The following MTG1 variants were observed in gnomAD, a reference collection of about 807,000 sequenced individuals.
MTG1 encodes the protein mitochondrial ribosome associated GTPase 1, also known as mitochondrial ribosome-associated GTPase 1.
Under a neutral mutation model 39.5 loss-of-function variants are expected in MTG1, and 30 were observed. The observed-to-expected ratio is 0.76, with a 90% CI of 0.57 to 1.03. The LOEUF (loss-of-function observed/expected upper bound fraction) is 1.03, where lower values mean the gene tolerates loss of function less well. MTG1 is among the 50% of genes least tolerant of loss of function. The probability of loss-of-function intolerance (pLI) is 0.00; values close to 1 mark genes in which losing one functional copy is unlikely to be tolerated. For missense variants in MTG1, 513 were observed against 447.4 expected, an observed-to-expected ratio of 1.15 and a Z score of -1.32; for synonymous variants, 217 against 179.0, an observed-to-expected ratio of 1.21 and a Z score of -1.69.
At chr10:133,415,026 C>A (rs902667186) in intron 9 of MTG1, among the ~76,000 whole-genome samples, 1 of 152,194 alleles carries the variant, frequency 6.6e-6, no homozygotes, top group Non-Finnish European at 1.5e-5. Context: ...ACCAGTCAGG[C>A]GTGGTGGCGC....
At chr10:133,399,127 A>G (rs1204965542) in intron 4 of MTG1, 43 bp from the exon 5 acceptor site, 1 of 1,612,628 alleles carries the variant, frequency 6.2e-7, no homozygotes, top group East Asian at 2.2e-5. Context: ...CAGTGCACAG[A>G]CGTCCGACCT....
Position 133,398,522 on chromosome 10 carries a change from T to C in MTG1, c.363+7T>C. 6.2e-7 allele frequency: 1 copy of C among 1,612,590 alleles called. No homozygotes were observed. Among genetic ancestry groups the C allele is most frequent in the South Asian group, 1.1e-5 (1 of 90,826 alleles). On this transcript the variant is annotated splice_region_variant and intron_variant, in intron 4 of 10. Transcript: ENST00000317502. ...GGATGAAAATGTCAAGCAGGTAGGC[T>C]TTTCGTCTGTGCTCTCTCTGACGCT...
chr10:133,410,932 C>G (rs948866141), intron 9 of MTG1, among the ~76,000 whole-genome samples: 2 of 152,130 alleles, frequency 1.3e-5, no homozygotes, highest in African/African-American at 4.8e-5. Context: ...TTGGCTCTCT[C>G]TTTCCAGGTT....
chr10:133,419,555 G>A lies in MTG1; in HGVS notation c.828G>A (p.Leu276=). ...ERVLKSVAVK[L]GKTQKVKVLT... is the part of the protein sequence containing the mutation. ...TGCTGAAGAGTGTGGCTGTGAAGCTGGGGAAGACGCAGAAGGTGAAGGTGC... is the reference window on the plus strand; with the variant it reads ...TGCTGAAGAGTGTGGCTGTGAAGCTAGGGAAGACGCAGAAGGTGAAGGTGC... Residue 276 remains leucine, a synonymous_variant, in exon 10 of 11, where the codon CTG becomes CTA. Coordinates refer to ENST00000317502, the MANE Select transcript of MTG1 (RefSeq NM_138384.4). The A allele has an allele frequency of 1.2e-6, 2 of 1,609,966 alleles. No homozygotes were observed. The highest frequency in any genetic ancestry group is 1.7e-6 in the Non-Finnish European group (2 of 1,178,488).
At chr10:133,407,477 G>A (rs1453010350) in intron 9 of MTG1, among the ~76,000 whole-genome samples, 1 of 151,082 alleles carries the variant, frequency 6.6e-6, no homozygotes, top group African/African-American at 2.4e-5. Context: ...GTGTTTTATA[G>A]TTTTCCTTGT....
At chr10:133,417,949 C>T (rs1215060652) in intron 9 of MTG1, among the ~76,000 whole-genome samples, 1 of 152,122 alleles carries the variant, frequency 6.6e-6, no homozygotes, top group Non-Finnish European at 1.5e-5. Context: ...GCCATACTGC[C>T]CAAGGTAATT....
intron 3 of MTG1, among the ~76,000 whole-genome samples, chr10:133,396,635 A>C (rs1368368672): frequency 2.0e-5 from 3 of 152,242 alleles, no homozygotes. Context: ...AAATAAGAAT[A>C]GTTATACTAG....
At chr10:133,401,623 GT>G in intron 7 of MTG1, 33 bp downstream of exon 7, 1 of 1,610,044 alleles carries the variant, frequency 6.2e-7, no homozygotes. Context: ...CCAGCACTCT[GT>G]CAAGAGCTCT....
At chr10:133,408,129 C>T (rs1849995011) in intron 9 of MTG1, among the ~76,000 whole-genome samples, 1 of 152,192 alleles carries the variant, frequency 6.6e-6, no homozygotes, top group African/African-American at 2.4e-5. Context: ...TAGAAATGGG[C>T]ATCTGTGTGT....
rs1469404254 is a variant in MTG1 at position 133,402,683 on chromosome 10, C to T, written c.671-9C>T. The T allele has an allele frequency of 4.4e-6, 7 of 1,599,308 alleles. No individual in the cohort carries two copies. Among genetic ancestry groups the T allele is most frequent in the Non-Finnish European group, 5.1e-6 (6 of 1,173,260 alleles). ...TTTCCAGTGCTCACCTCGGCTGCTG[C>T]TTCCACAGGAACGGTGCTGGACCAC... On this transcript the variant is annotated splice_polypyrimidine_tract_variant and intron_variant, in intron 8 of 10. Transcript: ENST00000317502. This position sits in a 1 kb window ranked among gnomAD's most constrained non-coding sequence, Gnocchi z 4.7.
intron 9 of MTG1, among the ~76,000 whole-genome samples, chr10:133,416,898 T>C (rs28771204): frequency 0.24 from 36,060 of 151,190 alleles, 4,458 homozygotes; most frequent in Admixed American, 0.33. Flanking sequence ...GCATGATTTA[T>C]AGTCCTTTGG....
chr10:133,395,756 C>T lies in MTG1; in HGVS notation c.156C>T (p.Ile52=). 1 of 1,614,124 alleles carries T rather than the reference C, an allele frequency of 6.2e-7. No individual in the cohort carries two copies. The highest frequency in any genetic ancestry group is 1.1e-5 in the South Asian group (1 of 91,066). Residue 52 remains isoleucine (I), a synonymous_variant, in exon 2 of 11, where the codon ATC becomes ATT. Transcript: ENST00000317502. The part of the protein sequence containing the change: ...MQSSLKLVDC[I]IEVHDARIPL... The stretch of plus-strand genomic sequence containing the variant: ...GCAGCCTGAAGCTGGTGGACTGTAT[C>T]ATCGAGGTCCACGATGCCCGGATAT...
chr10:133,410,998 A>C (rs1442724487), intron 9 of MTG1, among the ~76,000 whole-genome samples: 1 of 152,224 alleles, frequency 6.6e-6, no homozygotes, highest in Non-Finnish European at 1.5e-5. Context: ...TAGAGATGTG[A>C]ATGAATGCAC....
intron 6 of MTG1, 66 bp downstream of exon 6, chr10:133,399,685 C>G: frequency 6.5e-7 from 1 of 1,528,644 alleles, no homozygotes; most frequent in Non-Finnish European, 9.0e-7. Flanking sequence ...GTGCTGATGC[C>G]ACCATCTTTC....
chr10:133,415,489 C>T (rs951445036), intron 9 of MTG1, among the ~76,000 whole-genome samples: 1 of 151,748 alleles, frequency 6.6e-6, no homozygotes, highest in Non-Finnish European at 1.5e-5. Context: ...GTCTCCCTTT[C>T]TCACTTGCGT....
intron 6 of MTG1, 191 bp downstream of exon 6, chr10:133,399,810 C>T (rs1288505953): frequency 2.8e-5 from 14 of 498,672 alleles, no homozygotes; most frequent in South Asian, 7.3e-5. Context: ...GGGACCAGGT[C>T]GTTCTGTGAA....
Position 133,401,604 on chromosome 10 carries a change from G to A in MTG1, c.573+14G>A, listed in dbSNP as rs139199152. The A allele has an allele frequency of 6.7e-3, 10,805 of 1,613,626 alleles. 117 individuals are homozygous for A. Among genetic ancestry groups the A allele is most frequent in the South Asian group, 0.029 (2,625 of 91,048 alleles). ...TCCAAAATTCAGGTGGAGTCCTCAG[G>A]GGCCAGGCCCAGCACTCTGTCAAGA... On this transcript the variant is annotated intron_variant, in intron 7 of 10. Coordinates refer to ENST00000317502, the MANE Select transcript of MTG1 (RefSeq NM_138384.4).
Position 133,396,209 on chromosome 10 carries a change from T to G in MTG1, c.224T>G (p.Leu75Arg), listed in dbSNP as rs1192265925. ...CCTCTGTTTCAGGAAACCCTTGGGC[T>G]TAAGCCTCACTTGCTGGTCCTCAAC... ...RNPLFQETLG[L>R]KPHLLVLNKM... The change falls in exon 3 of 11, where the codon CTT becomes CGT. Residue 75 changes from leucine to arginine, a missense_variant. Physicochemically the swap from Leu to Arg is moderately radical, Grantham distance 102. Transcript: ENST00000317502. 6.2e-7 allele frequency: 1 copy of G among 1,614,104 alleles called. No individual in the cohort carries two copies. The highest frequency in any genetic ancestry group is 8.5e-7 in the Non-Finnish European group (1 of 1,180,038).
intron 1 of MTG1, 114 bp downstream of exon 1, chr10:133,394,446 G>GCCCCTCCTCCCTTGTCT: frequency 1.5e-6 from 2 of 1,319,772 alleles, no homozygotes; most frequent in Non-Finnish European, 2.0e-6. Flanking sequence ...GGCTGGCCCC[G>GCCCCTCCTCCCTTGTCT]CCCCTCCTCC....
Sources: allele counts gnomAD v4.1 joint callset (sites outside exome capture counted in the v4.1 genomes callset), GRCh38; gene constraint gnomAD v4.1.1; non-coding constraint Gnocchi (gnomAD v3.1); transcripts MANE v1.5; gene names NCBI Gene and HGNC (gene_info 2026-07-23, HGNC 2026-07-21).